The following FTO variants were observed in gnomAD, a reference collection of about 807,000 sequenced individuals.
FTO encodes FTO alpha-ketoglutarate dependent dioxygenase, also known as alpha-ketoglutarate-dependent dioxygenase FTO.
FTO carries 47 observed loss-of-function variants against 63.9 expected under a neutral mutation model. The ratio of observed to expected loss-of-function variants is 0.74; its 90% confidence interval spans 0.58 to 0.94. FTO has a LOEUF of 0.94. Among genes scored for constraint, FTO ranks in the 40% least tolerant of loss-of-function variants. The pLI is 0.00. For synonymous variants in FTO, 207 were observed against 224.4 expected, an observed-to-expected ratio of 0.92 and a Z score of 0.69; for missense variants, 562 against 618.1, an observed-to-expected ratio of 0.91 and a Z score of 0.96.
At chr16:54,097,082 A>G (rs1444833076) in intron 8 of FTO, among the ~76,000 whole-genome samples, 1 of 152,230 alleles carries the variant, frequency 6.6e-6, no homozygotes, top group South Asian at 2.1e-4. Flanking sequence ...GGGATAATGC[A>G]TATGGACGTA....
At chr16:54,006,385 G>A (rs747283424) in intron 8 of FTO, among the ~76,000 whole-genome samples, 7 of 152,070 alleles carry the variant, frequency 4.6e-5, no homozygotes, top group Non-Finnish European at 7.4e-5. Context: ...GTTCCTTTTC[G>A]GATGGTAGTT....
At chr16:54,056,942 G>A (rs2085450243) in intron 8 of FTO, among the ~76,000 whole-genome samples, 1 of 152,134 alleles carries the variant, frequency 6.6e-6, no homozygotes, top group African/African-American at 2.4e-5. Context: ...CATTCAGTAG[G>A]CATTGAATGA....
chr16:53,971,187 C>A (rs9932394), intron 8 of FTO, among the ~76,000 whole-genome samples: 76,956 of 151,814 alleles, frequency 0.51, 20,749 homozygotes, highest in East Asian at 0.77. Flanking sequence ...TATTGTTGGA[C>A]CTTTAAGTTG....
chr16:53,938,913 C>T (rs1449737513), intron 8 of FTO, among the ~76,000 whole-genome samples: 1 of 151,312 alleles, frequency 6.6e-6, no homozygotes, highest in Non-Finnish European at 1.5e-5. Flanking sequence ...CACGGTGAAA[C>T]CCTGTCTCTA....
chr16:54,103,421 C>T (rs571344451), intron 8 of FTO, among the ~76,000 whole-genome samples: 5 of 152,168 alleles, frequency 3.3e-5, no homozygotes, highest in Admixed American at 1.3e-4. Flanking sequence ...TGTATTGACC[C>T]GGGGGAAAAA....
chr16:54,016,292 GAAAAAAAAAAAA>G (rs35786461), intron 8 of FTO, among the ~76,000 whole-genome samples: 1 of 63,234 alleles, frequency 1.6e-5, no homozygotes, highest in Admixed American at 1.7e-4. Flanking sequence ...GACTTGTCAT[GAAAAAAAAAAAA>G]AAAAAAAAAA....
rs1313093913 is a variant in FTO, at chr16:54,113,121, G to C, written c.*1206G>C. On this transcript the variant is annotated 3_prime_UTR_variant, in exon 9 of 9. Coordinates refer to ENST00000471389, the MANE Select transcript of FTO (RefSeq NM_001080432.3). ...TTTCCAGCACATAGTTAAATATCCA[G>C]GAAATTCTGGTACTGTTATGTGTGG... 6.6e-6 allele frequency: 1 copy of C among 152,200 alleles called. No individual in the cohort carries two copies. Among genetic ancestry groups the C allele is most frequent in the Non-Finnish European group, 1.5e-5 (1 of 68,044 alleles). The allele number at this position is 152,200 out of a possible 1,614,324, so 9.4% of individuals were successfully genotyped here.
At chr16:53,720,656 C>A (rs1304415861) in intron 1 of FTO, among the ~76,000 whole-genome samples, 2 of 145,050 alleles carry the variant, frequency 1.4e-5, no homozygotes, top group Admixed American at 6.9e-5. Flanking sequence ...ATATATATAT[C>A]TTTTATATAT....
intron 1 of FTO, among the ~76,000 whole-genome samples, chr16:53,730,514 G>A (rs1457207011): frequency 2.0e-5 from 3 of 148,212 alleles, no homozygotes; most frequent in Non-Finnish European, 4.5e-5. Flanking sequence ...TTTTTTTTGA[G>A]ACAGGGTCTC....
intron 8 of FTO, among the ~76,000 whole-genome samples, chr16:54,098,998 C>T (rs1256581991): frequency 2.6e-5 from 4 of 152,242 alleles, no homozygotes; most frequent in East Asian, 1.9e-4. Flanking sequence ...CCCATGCAAA[C>T]GTTACTTAAA....
chr16:53,869,483 C>T (rs924121463), intron 4 of FTO, among the ~76,000 whole-genome samples: 3 of 150,086 alleles, frequency 2.0e-5, no homozygotes, highest in African/African-American at 4.9e-5. Context: ...CCTCTTTCTT[C>T]GCCTTCTGTT....
rs531240039 is a variant in FTO at position 54,064,736 on chromosome 16, G to A, written c.1365-47026G>A. On this transcript the variant is annotated intron_variant, in intron 8 of 8. Transcript: ENST00000471389. ...GCCAAGAACACGTTGGTAATGGGATGTAAATCTCCCGGTGCACACCTGATT... is the reference window on the plus strand; with the variant it reads ...GCCAAGAACACGTTGGTAATGGGATATAAATCTCCCGGTGCACACCTGATT... 3.3e-5 allele frequency among the ~76,000 whole-genome samples: 5 copies of A among 152,290 alleles called. No individual in the cohort carries two copies. In the South Asian group the frequency reaches 1.0e-3, roughly 32 times the overall value.
At chr16:53,777,730 A>T (rs755266748) in intron 1 of FTO, among the ~76,000 whole-genome samples, 15 of 152,156 alleles carry the variant, frequency 9.9e-5, no homozygotes, top group South Asian at 2.1e-4. Flanking sequence ...AGCAAATACA[A>T]ATTTTCTAAA....
chr16:53,931,212 A>G (rs927955737), intron 7 of FTO, among the ~76,000 whole-genome samples: 2 of 151,838 alleles, frequency 1.3e-5, no homozygotes, highest in Admixed American at 6.6e-5. Context: ...TTAGCTAGCT[A>G]GATGTCTACT....
chr16:53,787,110 CAAAAAAAAAAAAAAAAA>C (rs35391915), intron 1 of FTO, among the ~76,000 whole-genome samples: 1 of 56,162 alleles, frequency 1.8e-5, no homozygotes, highest in African/African-American at 8.7e-5. Flanking sequence ...GACTCCTTCT[CAAAAAAAAAAAAAAAAA>C]AAAAAAAAAA....
intron 2 of FTO, among the ~76,000 whole-genome samples, chr16:53,810,519 C>T (rs1281888609): frequency 6.6e-6 from 1 of 152,206 alleles, no homozygotes; most frequent in African/African-American, 2.4e-5. Context: ...TATCCTGTTG[C>T]AGATGGCTAA....
intron 4 of FTO, among the ~76,000 whole-genome samples, chr16:53,848,415 C>T (rs545664002): frequency 6.6e-6 from 1 of 152,210 alleles, no homozygotes; most frequent in Non-Finnish European, 1.5e-5. Flanking sequence ...AAATCCACTG[C>T]CCATGGAAGT....
Position 54,056,407 on chromosome 16 carries a change from G to T in FTO, c.1365-55355G>T, listed in dbSNP as rs74798054. ...CAATAAACGTTGGTTGAATTAAATT[G>T]TTAGAATTTCCAAGATGGCCCCCAG... On this transcript the variant is annotated intron_variant, in intron 8 of 8. Transcript: ENST00000471389. Among the ~76,000 whole-genome samples, 1,309 of 152,316 alleles carry T rather than the reference G, an allele frequency of 8.6e-3. 8 individuals are homozygous for T. The highest frequency in any genetic ancestry group is 0.013 in the Non-Finnish European group (908 of 68,036).
At chr16:54,110,099 G>T (rs2086847462) in intron 8 of FTO, among the ~76,000 whole-genome samples, 1 of 152,144 alleles carries the variant, frequency 6.6e-6, no homozygotes, top group Admixed American at 6.6e-5. Context: ...TCAAGTGGTT[G>T]AGAGACTGTC....
Sources: gnomAD v4.1 joint callset for allele counts (sites outside exome capture counted in the v4.1 genomes callset) on GRCh38, gnomAD v4.1.1 for gene constraint, MANE v1.5 for transcripts, NCBI Gene and HGNC (gene_info 2026-07-23, HGNC 2026-07-21) for gene names.